NXPH1: variants seen among roughly 807,000 people sequenced by gnomAD.
The protein encoded by NXPH1 is neurexophilin 1, also known as neurexophilin-1.
NXPH1 carries 5 observed loss-of-function variants against 23.7 expected under a neutral mutation model. The ratio of observed to expected loss-of-function variants is 0.21; its 90% CI spans 0.11 to 0.44. NXPH1 has a LOEUF of 0.44. Among genes scored for constraint, NXPH1 ranks in the 20% least tolerant of loss-of-function variants. The pLI is 0.99. For synonymous variants in NXPH1, 144 were observed against 122.2 expected (o/e 1.18, Z -1.18); for missense variants, 324 against 321.6 (o/e 1.01, Z -0.06).
At chr7:8,452,840 C>G (rs114588729) in intron 2 of NXPH1, among the ~76,000 whole-genome samples, 4 of 152,086 alleles carry the variant, frequency 2.6e-5, no homozygotes, top group Admixed American at 6.6e-5. Flanking sequence ...AGCCACTTCA[C>G]AAATCTTCTG....
chr7:8,616,919 G>A (rs1819754591), intron 2 of NXPH1, among the ~76,000 whole-genome samples: 2 of 151,892 alleles, frequency 1.3e-5, no homozygotes, highest in Admixed American at 6.6e-5. Flanking sequence ...CAGTGTGAAT[G>A]TGAGTAGATC....
At chr7:8,741,383 C>T (rs915916015) in intron 2 of NXPH1, among the ~76,000 whole-genome samples, 11 of 151,832 alleles carry the variant, frequency 7.2e-5, no homozygotes, top group Non-Finnish European at 1.6e-4. Flanking sequence ...TTTTTTGAGA[C>T]CCTGATTTCA....
At chr7:8,508,833 G>T (rs568826206) in intron 2 of NXPH1, among the ~76,000 whole-genome samples, 2 of 152,122 alleles carry the variant, frequency 1.3e-5, no homozygotes, top group East Asian at 3.9e-4. Context: ...AAGGAAGTTA[G>T]GGTCTTGTAA....
intron 2 of NXPH1, among the ~76,000 whole-genome samples, chr7:8,726,327 G>GT (rs777350467): frequency 1.9e-3 from 259 of 139,042 alleles, no homozygotes; most frequent in African/African-American, 5.3e-3. Flanking sequence ...TTTTTTGTTT[G>GT]TTTTTTTTAA....
chr7:8,630,943 A>C (rs1332309683), intron 2 of NXPH1, among the ~76,000 whole-genome samples: 1 of 151,958 alleles, frequency 6.6e-6, no homozygotes, highest in East Asian at 1.9e-4. Context: ...CACCCTCTGA[A>C]AGGCCTCAGT....
intron 2 of NXPH1, among the ~76,000 whole-genome samples, chr7:8,693,348 T>A (rs1325099601): frequency 6.6e-6 from 1 of 152,166 alleles, no homozygotes; most frequent in Admixed American, 6.5e-5. Context: ...ATACACAGCA[T>A]CCCTTCCTAT....
chr7:8,672,239 A>T (rs1820880527), intron 2 of NXPH1, among the ~76,000 whole-genome samples: 2 of 152,176 alleles, frequency 1.3e-5, no homozygotes, highest in African/African-American at 4.8e-5. Context: ...AAAAAACCAA[A>T]CACCGCATAT....
chr7:8,474,424 C>A (rs1307165377), intron 2 of NXPH1, among the ~76,000 whole-genome samples: 3 of 152,018 alleles, frequency 2.0e-5, no homozygotes, highest in Admixed American at 2.0e-4. Context: ...TGAAGATAAT[C>A]ACCCACAATA....
intron 2 of NXPH1, among the ~76,000 whole-genome samples, chr7:8,631,364 C>A (rs7456267): frequency 0.32 from 48,844 of 151,878 alleles, 8,178 homozygotes; most frequent in African/African-American, 0.41. Flanking sequence ...ACATAGGGAT[C>A]GGGAAAGATT....
chr7:8,473,780 C>A (rs1162666147), intron 2 of NXPH1, among the ~76,000 whole-genome samples: 1 of 151,312 alleles, frequency 6.6e-6, no homozygotes, highest in Non-Finnish European at 1.5e-5. Context: ...AAAAGATAGA[C>A]CAGCAATGAT....
At chr7:8,677,831 A>C (rs1252298564) in intron 2 of NXPH1, among the ~76,000 whole-genome samples, 1 of 60,152 alleles carries the variant, frequency 1.7e-5, no homozygotes, top group Non-Finnish European at 3.1e-5. Context: ...TTTGAAACTT[A>C]TAAAATGACT....
chr7:8,578,255 T>C (rs1818792258), intron 2 of NXPH1, among the ~76,000 whole-genome samples: 1 of 152,194 alleles, frequency 6.6e-6, no homozygotes, highest in Non-Finnish European at 1.5e-5. Context: ...TTGAAAATAC[T>C]GTAAGATGAA....
At chr7:8,729,782 G>T (rs1780117856) in intron 2 of NXPH1, among the ~76,000 whole-genome samples, 1 of 152,090 alleles carries the variant, frequency 6.6e-6, no homozygotes, top group Admixed American at 6.5e-5. Context: ...TTTTGGAATA[G>T]GTGTGGTATG....
At chr7:8,632,847 T>A (rs1820156490) in intron 2 of NXPH1, among the ~76,000 whole-genome samples, 1 of 152,198 alleles carries the variant, frequency 6.6e-6, no homozygotes, top group Non-Finnish European at 1.5e-5. Flanking sequence ...TGAACCACAG[T>A]CTACTTAGAT....
At chr7:8,535,804 G>T (rs1001810850) in intron 2 of NXPH1, among the ~76,000 whole-genome samples, 12 of 151,934 alleles carry the variant, frequency 7.9e-5, no homozygotes, top group African/African-American at 2.7e-4. Context: ...TTTTGAAAAA[G>T]CTGGATTTTT....
intron 2 of NXPH1, among the ~76,000 whole-genome samples, chr7:8,684,478 G>C (rs1296505503): frequency 6.6e-6 from 1 of 152,006 alleles, no homozygotes; most frequent in Non-Finnish European, 1.5e-5. Context: ...GTTTTAAGAT[G>C]GTATGTATGA....
intron 2 of NXPH1, among the ~76,000 whole-genome samples, chr7:8,714,417 G>A (rs1779845008): frequency 6.6e-6 from 1 of 152,022 alleles, no homozygotes; most frequent in South Asian, 2.1e-4. Flanking sequence ...CCAGGACCCT[G>A]CTTAGTGCTC....
intron 2 of NXPH1, among the ~76,000 whole-genome samples, chr7:8,551,080 T>A (rs1271513052): frequency 6.6e-6 from 1 of 151,526 alleles, no homozygotes; most frequent in Non-Finnish European, 1.5e-5. Flanking sequence ...AATATCTTAG[T>A]TTTTTAAAAA....
intron 2 of NXPH1, among the ~76,000 whole-genome samples, chr7:8,594,328 T>C (rs779356710): frequency 1.1e-4 from 16 of 152,096 alleles, no homozygotes; most frequent in Non-Finnish European, 2.4e-4. Context: ...AAGTTTCACA[T>C]ATTTCAGACA....
Sources: gnomAD v4.1 joint callset for allele counts (sites outside exome capture counted in the v4.1 genomes callset) on GRCh38, gnomAD v4.1.1 for gene constraint, MANE v1.5 for transcripts, NCBI Gene and HGNC (gene_info 2026-07-23, HGNC 2026-07-21) for gene names.